SRPK1: variants seen among roughly 807,000 people sequenced by gnomAD.
The protein encoded by SRPK1 is SRSF protein kinase 1.
In SRPK1, 52 loss-of-function variants were observed where a neutral mutation model predicts 89.5. That is an observed-to-expected ratio of 0.58 (90% CI 0.46 to 0.73). The LOEUF is 0.73. Among genes scored for constraint, SRPK1 ranks in the 30% least tolerant of loss-of-function variants. The probability of loss-of-function intolerance (pLI) is 0.00; values close to 1 mark genes in which losing one functional copy is unlikely to be tolerated. For missense variants in SRPK1, 603 were observed against 780.6 expected (o/e 0.77, Z 2.71); for synonymous variants, 255 against 270.2 (o/e 0.94, Z 0.55).
Position 35,874,228 on chromosome 6 carries a change from C to G in SRPK1, c.585+5G>C. 6.3e-7 allele frequency: 1 copy of G among 1,594,546 alleles called. No homozygotes were observed. Among genetic ancestry groups the G allele is most frequent in the Non-Finnish European group, 8.6e-7 (1 of 1,164,866 alleles). ...CTAAGATACTTGCTGATTCAAGATA[C>G]ATACTTGCTGAATAATTTTTTTGAC... is the stretch of plus-strand genomic sequence containing the variant. On this transcript the variant is annotated splice_donor_5th_base_variant and intron_variant, in intron 7 of 15. Transcript: ENST00000373825.
At chr6:35,842,939 T>C (rs1769343764) in intron 13 of SRPK1, among the ~76,000 whole-genome samples, 1 of 151,826 alleles carries the variant, frequency 6.6e-6, no homozygotes, top group African/African-American at 2.4e-5. Flanking sequence ...ATTAAGGTGA[T>C]TCTAAGTTAT....
chr6:35,915,880 G>C (rs1412446762), intron 2 of SRPK1, among the ~76,000 whole-genome samples: 1 of 150,764 alleles, frequency 6.6e-6, no homozygotes, highest in Admixed American at 6.6e-5. Context: ...GCTGAGGCAG[G>C]AGAATCACTT....
chr6:35,909,076 G>T (rs772744781), intron 2 of SRPK1, among the ~76,000 whole-genome samples: 1 of 152,222 alleles, frequency 6.6e-6, no homozygotes, highest in Non-Finnish European at 1.5e-5. Context: ...TCTGCACCGG[G>T]GCACTGCCTA....
chr6:35,835,466 C>A lies in SRPK1; in HGVS notation c.1806G>T (p.Lys602Asn), dbSNP rs754379574. 5.6e-6 allele frequency: 9 copies of A among 1,613,110 alleles called. No individual in the cohort carries two copies. The highest frequency in any genetic ancestry group is 6.8e-6 in the Non-Finnish European group (8 of 1,179,560). The change falls in exon 16 of 16, where the codon AAG becomes AAT. Residue 602 changes from lysine to asparagine, a missense_variant. Lys to Asn is a moderately conservative substitution (Grantham distance 94). Transcript: ENST00000373825. ...TKKGDLKHIT[K>N]LKPWGLFEVL... is the part of the protein sequence containing the mutation. ...CCTCAAAAAGGCCCCAAGGTTTCAGCTTCGTGATATGTTTCAGGTCACCTG... is the reference window on the plus strand; with the variant it reads ...CCTCAAAAAGGCCCCAAGGTTTCAGATTCGTGATATGTTTCAGGTCACCTG...
At chr6:35,904,859 C>A (rs2127265422) in intron 2 of SRPK1, 1 of 289,682 alleles carries the variant, frequency 3.5e-6, no homozygotes, top group Non-Finnish European at 6.8e-6. Context: ...AAGTCGTGGG[C>A]TGGGCACTGT....
chr6:35,899,529 T>C (rs1054753864), intron 2 of SRPK1, among the ~76,000 whole-genome samples: 1 of 152,230 alleles, frequency 6.6e-6, no homozygotes, highest in Admixed American at 6.5e-5. Flanking sequence ...AGAACCGGGA[T>C]GTGTACAAGG....
chr6:35,919,391 T>C (rs1223275739), intron 2 of SRPK1, among the ~76,000 whole-genome samples: 1 of 152,172 alleles, frequency 6.6e-6, no homozygotes, highest in Non-Finnish European at 1.5e-5. Flanking sequence ...TAATCTGGTA[T>C]TGTCATTCAG....
At chr6:35,893,936 G>A (rs898558192) in intron 2 of SRPK1, among the ~76,000 whole-genome samples, 1 of 152,022 alleles carries the variant, frequency 6.6e-6, no homozygotes, top group African/African-American at 2.4e-5. Flanking sequence ...GCTTGAATCC[G>A]GGAGACAGAG....
chr6:35,860,628 C>A (rs1769761808), intron 12 of SRPK1, among the ~76,000 whole-genome samples: 1 of 152,112 alleles, frequency 6.6e-6, no homozygotes, highest in Non-Finnish European at 1.5e-5. Flanking sequence ...AGGCACTGTT[C>A]TAAGTACTAA....
At chr6:35,900,505 T>C (rs1770718763) in intron 2 of SRPK1, among the ~76,000 whole-genome samples, 1 of 152,184 alleles carries the variant, frequency 6.6e-6, no homozygotes, top group Non-Finnish European at 1.5e-5. Context: ...CATTCTAGCA[T>C]GAAGTGACAA....
chr6:35,912,473 C>A (rs1770990745), intron 2 of SRPK1, among the ~76,000 whole-genome samples: 1 of 152,186 alleles, frequency 6.6e-6, no homozygotes, highest in South Asian at 2.1e-4. Context: ...AAGGTCTGTA[C>A]ATTTTTAAAA....
intron 5 of SRPK1, chr6:35,887,789 GT>G (rs1215582436): frequency 5.4e-4 from 186 of 343,832 alleles, no homozygotes; most frequent in East Asian, 9.6e-4. Context: ...CATTTGAAAG[GT>G]TTTTTTTTGG....
At chr6:35,867,259 C>T (rs150378319) in intron 12 of SRPK1, among the ~76,000 whole-genome samples, 93 of 152,304 alleles carry the variant, frequency 6.1e-4, no homozygotes, top group Admixed American at 4.1e-3. Context: ...GCAGTCACTA[C>T]TGAAGTCATC....
intron 3 of SRPK1, among the ~76,000 whole-genome samples, chr6:35,889,802 C>CA (rs1770481044): frequency 7.3e-6 from 1 of 136,334 alleles, no homozygotes; most frequent in African/African-American, 2.7e-5. Flanking sequence ...AACAAACAAA[C>CA]AAAAAACAAA....
chr6:35,912,822 C>A (rs1771000198), intron 2 of SRPK1, among the ~76,000 whole-genome samples: 1 of 152,198 alleles, frequency 6.6e-6, no homozygotes, highest in Admixed American at 6.5e-5. Context: ...CTTGTTCTGT[C>A]ACCTAGGCTG....
chr6:35,860,538 G>A (rs1006187036), intron 12 of SRPK1, among the ~76,000 whole-genome samples: 2 of 152,110 alleles, frequency 1.3e-5, no homozygotes, highest in African/African-American at 4.8e-5. Flanking sequence ...ATGTTTGTAC[G>A]GTGTGATACT....
At chr6:35,861,701 C>T (rs1363391005) in intron 12 of SRPK1, among the ~76,000 whole-genome samples, 5 of 152,226 alleles carry the variant, frequency 3.3e-5, no homozygotes, top group Admixed American at 6.5e-5. Flanking sequence ...CTTGCCCTTT[C>T]GGGCTGACGT....
rs1299701530 is a variant in SRPK1, at chr6:35,833,309, G to C, written c.*1995C>G. On this transcript the variant is annotated 3_prime_UTR_variant, in exon 16 of 16. Coordinates refer to ENST00000373825, the MANE Select transcript of SRPK1 (RefSeq NM_003137.5). Reference sequence around the variant, plus strand: ...GAAAAAGCCCTTATTTGGTGGAGAAGCATTTCCAAAATGAAGTTACAGGTT... The same window carrying C: ...GAAAAAGCCCTTATTTGGTGGAGAACCATTTCCAAAATGAAGTTACAGGTT... 6.6e-6 allele frequency: 1 copy of C among 152,422 alleles called. No homozygotes were observed. The highest frequency in any genetic ancestry group is 1.5e-5 in the Non-Finnish European group (1 of 68,024). 9.4% of individuals were successfully genotyped at this position (152,422 alleles called of 1,614,324 possible).
chr6:35,886,915 A>C, intron 5 of SRPK1, 104 bp from the exon 6 acceptor site: 1 of 646,344 alleles, frequency 1.5e-6, no homozygotes, highest in South Asian at 1.9e-5. Flanking sequence ...GAAAGAGCTC[A>C]CATAAATCTA....
Sources: gnomAD v4.1 joint callset for allele counts (sites outside exome capture counted in the v4.1 genomes callset) on GRCh38, gnomAD v4.1.1 for gene constraint, MANE v1.5 for transcripts, NCBI Gene and HGNC (gene_info 2026-07-23, HGNC 2026-07-21) for gene names.